The following CCDC178 variants were observed in gnomAD, a reference collection of about 807,000 sequenced individuals.
CCDC178 encodes the protein coiled-coil domain containing 178.
CCDC178 carries 126 observed loss-of-function variants against 117.4 expected under a neutral mutation model. The observed-to-expected ratio is 1.07, with a 90% CI of 0.93 to 1.24. CCDC178 has a LOEUF of 1.24. Ranked by LOEUF, CCDC178 falls within the 50% of genes most tolerant of loss-of-function variation. The pLI is 0.00. For synonymous variants in CCDC178, 283 were observed against 313.4 expected (o/e 0.90, Z 1.02); for missense variants, 1,030 against 986.9 (o/e 1.04, Z -0.59).
At chr18:33,312,582 G>A (rs2062357794) in intron 11 of CCDC178, among the ~76,000 whole-genome samples, 1 of 152,114 alleles carries the variant, frequency 6.6e-6, no homozygotes. Flanking sequence ...GCCAGGTAGT[G>A]GTCTACTTTT....
At chr18:33,191,670 A>T (rs1163736690) in intron 20 of CCDC178, among the ~76,000 whole-genome samples, 1 of 152,132 alleles carries the variant, frequency 6.6e-6, no homozygotes, top group African/African-American at 2.4e-5. Context: ...TCAAATTTTT[A>T]ATTTTTAGTC....
chr18:33,334,028 A>G (rs910004129), intron 9 of CCDC178, among the ~76,000 whole-genome samples: 27 of 152,228 alleles, frequency 1.8e-4, no homozygotes, highest in African/African-American at 6.3e-4. Flanking sequence ...TTCCAAAACC[A>G]CCTAGAAGGA....
chr18:32,980,220 G>A (rs898947809), intron 21 of CCDC178, among the ~76,000 whole-genome samples: 1 of 152,222 alleles, frequency 6.6e-6, no homozygotes, highest in South Asian at 2.1e-4. Context: ...TTTAAACAGA[G>A]TAACCATATA....
At chr18:33,034,286 T>C (rs2056401647) in intron 21 of CCDC178, among the ~76,000 whole-genome samples, 1 of 151,992 alleles carries the variant, frequency 6.6e-6, no homozygotes, top group Admixed American at 6.6e-5. Flanking sequence ...AGAACTCCTT[T>C]CCTGTCTTTT....
chr18:33,340,037 T>C (rs533986296), intron 9 of CCDC178, among the ~76,000 whole-genome samples: 175 of 152,046 alleles, frequency 1.2e-3, no homozygotes, highest in East Asian at 8.7e-3. Context: ...CAGAAGAAGA[T>C]AGGAAAATGT....
intron 3 of CCDC178, among the ~76,000 whole-genome samples, chr18:33,400,125 G>A (rs1439223024): frequency 6.8e-6 from 1 of 148,106 alleles, no homozygotes; most frequent in Non-Finnish European, 1.5e-5. Context: ...TGAGCAGTAG[G>A]TCTCCATAGT....
intron 21 of CCDC178, among the ~76,000 whole-genome samples, chr18:33,054,663 G>C (rs949582242): frequency 2.0e-5 from 3 of 152,172 alleles, no homozygotes; most frequent in Non-Finnish European, 4.4e-5. Context: ...TCTTTATCCA[G>C]TTTATCATTG....
chr18:33,427,034 T>G (rs1222282701), intron 2 of CCDC178, among the ~76,000 whole-genome samples: 1 of 152,146 alleles, frequency 6.6e-6, no homozygotes, highest in African/African-American at 2.4e-5. Context: ...TAGAAAAGAT[T>G]CATATTTTAT....
chr18:33,160,936 G>A (rs2058454507), intron 20 of CCDC178, among the ~76,000 whole-genome samples: 1 of 151,948 alleles, frequency 6.6e-6, no homozygotes, highest in South Asian at 2.1e-4. Context: ...TTTCTAGATT[G>A]CCAAATGCCA....
intron 21 of CCDC178, among the ~76,000 whole-genome samples, chr18:33,016,843 T>C (rs1383464884): frequency 6.6e-6 from 1 of 151,834 alleles, no homozygotes; most frequent in Non-Finnish European, 1.5e-5. Context: ...AATAAAATAA[T>C]AGAAGTACAG....
chr18:33,297,401 CA>C (rs540943010), intron 11 of CCDC178, among the ~76,000 whole-genome samples: 32 of 151,364 alleles, frequency 2.1e-4, no homozygotes, highest in Non-Finnish European at 2.4e-4. Flanking sequence ...TTAGCTTCTT[CA>C]AAGATAAACA....
At chr18:33,139,863 G>A (rs140743048) in intron 20 of CCDC178, among the ~76,000 whole-genome samples, 276 of 152,162 alleles carry the variant, frequency 1.8e-3, no homozygotes, top group Admixed American at 5.8e-3. Flanking sequence ...ATGTCTCCAG[G>A]GCATGTCTCC....
At chr18:32,965,007 T>C (rs1340751682) in intron 22 of CCDC178, among the ~76,000 whole-genome samples, 4 of 151,912 alleles carry the variant, frequency 2.6e-5, no homozygotes, top group African/African-American at 7.2e-5. Flanking sequence ...GTAAGTTCCA[T>C]TAAGTTAACG....
At chr18:33,321,196 T>TAA (rs2062503904) in intron 11 of CCDC178, among the ~76,000 whole-genome samples, 1 of 152,170 alleles carries the variant, frequency 6.6e-6, no homozygotes, top group Admixed American at 6.5e-5. Flanking sequence ...ACTTCATGTC[T>TAA]AAAACACCAA....
intron 20 of CCDC178, among the ~76,000 whole-genome samples, chr18:33,130,671 A>T (rs1424610142): frequency 6.6e-6 from 1 of 151,960 alleles, no homozygotes; most frequent in African/African-American, 2.4e-5. Context: ...CACTGTGTTC[A>T]CTAATTACCA....
intron 8 of CCDC178, 138 bp downstream of exon 8, chr18:33,348,752 G>C (rs1181253383): frequency 1.6e-6 from 1 of 612,436 alleles, no homozygotes; most frequent in Non-Finnish European, 2.9e-6. Flanking sequence ...ATGATATAGA[G>C]GACTATTTTG....
chr18:33,366,574 A>G (rs2063210227), intron 6 of CCDC178, among the ~76,000 whole-genome samples: 1 of 152,112 alleles, frequency 6.6e-6, no homozygotes, highest in African/African-American at 2.4e-5. Flanking sequence ...TACAGATATA[A>G]TAATAGCTTT....
chr18:33,308,600 CA>C (rs575950297), intron 11 of CCDC178, among the ~76,000 whole-genome samples: 5 of 152,136 alleles, frequency 3.3e-5, no homozygotes, highest in South Asian at 2.1e-4. Flanking sequence ...TGGGAGGGGC[CA>C]GGGGTGGAAT....
At chr18:33,174,371 T>A (rs1404308398) in intron 20 of CCDC178, among the ~76,000 whole-genome samples, 3 of 152,218 alleles carry the variant, frequency 2.0e-5, no homozygotes, top group Non-Finnish European at 4.4e-5. Flanking sequence ...AGAAGTTAAA[T>A]TAATTGTCCA....
Sources: gnomAD v4.1 joint callset for allele counts (sites outside exome capture counted in the v4.1 genomes callset) on GRCh38, gnomAD v4.1.1 for gene constraint, MANE v1.5 for transcripts, NCBI Gene and HGNC (gene_info 2026-07-23, HGNC 2026-07-21) for gene names.